Variants in GTF3C2 observed in about 807,000 individuals in gnomAD.
GTF3C2 encodes the protein general transcription factor IIIC subunit 2, also known as general transcription factor 3C polypeptide 2.
Under a neutral mutation model 117.4 loss-of-function variants are expected in GTF3C2, and 17 were observed. The ratio of observed to expected loss-of-function variants is 0.14; its 90% CI spans 0.10 to 0.22. The LOEUF is 0.22. Among genes scored for constraint, GTF3C2 ranks in the 10% least tolerant of loss-of-function variants. GTF3C2 has a pLI of 1.00. For missense variants in GTF3C2, 888 were observed against 1,143.6 expected (o/e 0.78, Z 3.22); for synonymous variants, 437 against 427.0 (o/e 1.02, Z -0.29).
At chr2:27,332,743 G>C (rs1267061259) in intron 12 of GTF3C2, among the ~76,000 whole-genome samples, 1 of 150,122 alleles carries the variant, frequency 6.7e-6, no homozygotes, top group African/African-American at 2.5e-5. Flanking sequence ...TTGAGATGGA[G>C]TCTCCCTCTG....
chr2:27,330,184 G>A (rs1203695139), intron 12 of GTF3C2, among the ~76,000 whole-genome samples: 1 of 148,272 alleles, frequency 6.7e-6, no homozygotes, highest in Non-Finnish European at 1.5e-5. Flanking sequence ...GAAGCCAGGC[G>A]CAGTGGCTCA....
intron 5 of GTF3C2, 135 bp downstream of exon 5, chr2:27,337,791 T>C (rs1167870172): frequency 1.4e-5 from 10 of 722,790 alleles, no homozygotes; most frequent in Non-Finnish European, 2.5e-5. Context: ...TCTAGAGCAG[T>C]GCTTTTTAGT....
chr2:27,353,480 C>T (rs1415607262), intron 1 of GTF3C2, among the ~76,000 whole-genome samples: 1 of 151,872 alleles, frequency 6.6e-6, no homozygotes, highest in South Asian at 2.1e-4. Context: ...GCTCTGTCTC[C>T]CAGGCTGGAG....
At chr2:27,336,573 G>A in intron 7 of GTF3C2, 148 bp from the exon 8 acceptor site, 4 of 597,578 alleles carry the variant, frequency 6.7e-6, no homozygotes, top group Non-Finnish European at 1.2e-5. Context: ...AGAGTCCTTG[G>A]CTTCCACTTG....
intron 1 of GTF3C2, among the ~76,000 whole-genome samples, chr2:27,355,921 T>C (rs1001459600): frequency 2.6e-5 from 4 of 152,240 alleles, no homozygotes; most frequent in Non-Finnish European, 5.9e-5. Context: ...GTTTCATTTA[T>C]ATTGCTTAGG....
chr2:27,343,342 T>C (rs767686486), exon 2 of GTF3C2: 13 of 1,614,020 alleles, frequency 8.1e-6, no homozygotes, highest in Non-Finnish European at 1.1e-5. Context: ...TTTCCTGCTC[T>C]GGAGGGAGCC....
At chr2:27,338,065 G>T in intron 4 of GTF3C2, 45 bp from the exon 5 acceptor site, 1 of 1,173,708 alleles carries the variant, frequency 8.5e-7, no homozygotes, top group Non-Finnish European at 1.3e-6. Context: ...AATTCTACAG[G>T]TTGGACAAAG....
Position 27,337,352 on chromosome 2 carries a change from G to A in GTF3C2, c.1029-10C>T. 2 of 1,579,332 alleles carry A rather than the reference G, an allele frequency of 1.3e-6. No homozygotes were observed. Among genetic ancestry groups the A allele is most frequent in the East Asian group, 2.2e-5 (1 of 44,724 alleles). Reference sequence around the variant, plus strand: ...GTAGGGAGCGGCCTCACTGGGGGAAGACAAAGGGAACAGTCTAAATTTGGA... The same window carrying A: ...GTAGGGAGCGGCCTCACTGGGGGAAAACAAAGGGAACAGTCTAAATTTGGA... On this transcript the variant is annotated splice_polypyrimidine_tract_variant and intron_variant, in intron 6 of 18. Coordinates refer to ENST00000264720, the Ensembl canonical transcript of GTF3C2.
chr2:27,355,533 A>AAT (rs1681337239), intron 1 of GTF3C2, among the ~76,000 whole-genome samples: 1 of 152,026 alleles, frequency 6.6e-6, no homozygotes, highest in South Asian at 2.1e-4. Context: ...AAAAAAAAAA[A>AAT]ATACACTTCT....
intron 6 of GTF3C2, 31 bp downstream of exon 6, chr2:27,337,450 C>T: frequency 1.3e-6 from 2 of 1,541,776 alleles, no homozygotes; most frequent in Non-Finnish European, 1.8e-6. Context: ...TGTCACCCTT[C>T]CTAAGCTACA....
At chr2:27,339,310 G>C (rs1400973614) in intron 4 of GTF3C2, among the ~76,000 whole-genome samples, 1 of 151,668 alleles carries the variant, frequency 6.6e-6, no homozygotes, top group East Asian at 2.0e-4. Context: ...GGGAGGCTGA[G>C]GCGGGAGCAT....
At position 27,329,558 on chromosome 2, in the gene GTF3C2, C is replaced by CA. The variant is rs1680208821; in HGVS notation, c.1733-36dup. 6.2e-7 allele frequency: 1 copy of CA among 1,608,162 alleles called. No individual in the cohort carries two copies. Among genetic ancestry groups the CA allele is most frequent in the Non-Finnish European group, 8.5e-7 (1 of 1,175,846 alleles). On this transcript the variant is annotated intron_variant, in intron 12 of 18. Transcript: ENST00000264720. The surrounding 1 kb of genome is among the most constrained non-coding windows in gnomAD (Gnocchi z 4.5). The stretch of plus-strand genomic sequence containing the variant: ...GGACAGAATGTGTGAGCATTAAAAG[C>CA]AAGTTCTCTCTTCCTTGCTCTAATT...
At chr2:27,327,665 G>A (rs1216485511) in intron 17 of GTF3C2, among the ~76,000 whole-genome samples, 3 of 126,104 alleles carry the variant, frequency 2.4e-5, no homozygotes, top group East Asian at 2.2e-4. Flanking sequence ...GTCTTGCTGC[G>A]TTGCCAGGCT....
intron 1 of GTF3C2, chr2:27,350,482 C>G (rs1028083609): frequency 5.3e-5 from 52 of 985,466 alleles, no homozygotes; most frequent in Non-Finnish European, 6.0e-5. Context: ...GGAAGGTGCT[C>G]TTATTTACAG....
chr2:27,353,498 G>T (rs549488419), intron 1 of GTF3C2, among the ~76,000 whole-genome samples: 1 of 152,054 alleles, frequency 6.6e-6, no homozygotes, highest in Non-Finnish European at 1.5e-5. Context: ...GAGCGCAGGG[G>T]CATGCTCTCT....
Position 27,329,604 on chromosome 2 carries a change from A to G in GTF3C2, c.1733-81T>C. Reference sequence around the variant, plus strand: ...TAATTTCTTTCTCTGGGCTCCTAGGACCTTTGTCTTCTACCCTCAGATCCA... The same window carrying G: ...TAATTTCTTTCTCTGGGCTCCTAGGGCCTTTGTCTTCTACCCTCAGATCCA... On this transcript the variant is annotated intron_variant, in intron 12 of 18. Coordinates refer to ENST00000264720, the Ensembl canonical transcript of GTF3C2. The surrounding 1 kb of genome is among the most constrained non-coding windows in gnomAD (Gnocchi z 4.5). 1 of 1,383,922 alleles carries G rather than the reference A, an allele frequency of 7.2e-7. No individual in the cohort carries two copies. The highest frequency in any genetic ancestry group is 1.0e-6 in the Non-Finnish European group (1 of 992,202). The allele number at this position is 1,383,922 out of a possible 1,614,324, so 85.7% of individuals were successfully genotyped here. A position where few individuals can be genotyped will look rare whatever the true frequency, so the allele number is the denominator to read the frequency against.
intron 7 of GTF3C2, among the ~76,000 whole-genome samples, chr2:27,337,032 G>A (rs1395395107): frequency 6.6e-6 from 1 of 152,112 alleles, no homozygotes; most frequent in African/African-American, 2.4e-5. Flanking sequence ...AACTGCTTTG[G>A]CCCCTAAATC....
At chr2:27,352,696 T>TATA (rs1681176360) in intron 1 of GTF3C2, among the ~76,000 whole-genome samples, 5 of 152,230 alleles carry the variant, frequency 3.3e-5, no homozygotes, top group African/African-American at 1.2e-4. Context: ...AAGTTTAAGA[T>TATA]ATAAATAAAA....
chr2:27,333,756 C>G, exon 12 of GTF3C2: 1 of 1,606,836 alleles, frequency 6.2e-7, no homozygotes, highest in Non-Finnish European at 8.5e-7. Context: ...TTGCATAGAC[C>G]CCACCTGCAG....
Sources: allele counts gnomAD v4.1 joint callset (sites outside exome capture counted in the v4.1 genomes callset), GRCh38; gene constraint gnomAD v4.1.1; non-coding constraint Gnocchi (gnomAD v3.1); transcripts MANE v1.5; gene names NCBI Gene and HGNC (gene_info 2026-07-23, HGNC 2026-07-21).